The following VWC2 variants were observed in gnomAD, a reference collection of about 807,000 sequenced individuals.
VWC2 encodes the protein brorin.
VWC2 carries 14 observed loss-of-function variants against 29.8 expected under a neutral mutation model. That is an observed-to-expected ratio of 0.47 (90% CI 0.31 to 0.74). The LOEUF is 0.74. Ranked by LOEUF, VWC2 falls within the 30% of genes least tolerant of loss-of-function variation. VWC2 has a pLI of 0.05. For synonymous variants in VWC2, 213 were observed against 199.0 expected, an observed-to-expected ratio of 1.07 and a Z score of -0.59; for missense variants, 457 against 459.8, an observed-to-expected ratio of 0.99 and a Z score of 0.05.
At chr7:49,785,718 TA>T (rs1016549289) in intron 2 of VWC2, among the ~76,000 whole-genome samples, 2 of 152,180 alleles carry the variant, frequency 1.3e-5, no homozygotes, top group Non-Finnish European at 1.5e-5. Context: ...AGTAGGAGAA[TA>T]TTTTTAAATA....
At chr7:49,802,656 C>T in intron 2 of VWC2, 55 bp from the exon 3 acceptor site, 1 of 1,609,642 alleles carries the variant, frequency 6.2e-7, no homozygotes, top group Non-Finnish European at 8.5e-7. Flanking sequence ...ATATATGACC[C>T]TGTAGGATAA....
At chr7:49,800,723 T>C (rs1411160254) in intron 2 of VWC2, among the ~76,000 whole-genome samples, 1 of 151,950 alleles carries the variant, frequency 6.6e-6, no homozygotes, top group Non-Finnish European at 1.5e-5. Context: ...CTCATTCTGC[T>C]TGCTATGTAT....
chr7:49,840,306 C>T (rs1250707023), intron 3 of VWC2, among the ~76,000 whole-genome samples: 1 of 152,120 alleles, frequency 6.6e-6, no homozygotes, highest in African/African-American at 2.4e-5. Flanking sequence ...TGGAGGGGCA[C>T]GGAGTATAGG....
At chr7:49,844,437 G>T (rs1789871532) in intron 3 of VWC2, among the ~76,000 whole-genome samples, 1 of 152,154 alleles carries the variant, frequency 6.6e-6, no homozygotes, top group Admixed American at 6.5e-5. Context: ...AGATATGAAA[G>T]CTTCTAAAAT....
chr7:49,902,443 A>G lies in VWC2; in HGVS notation c.827-9591A>G, dbSNP rs552296135. Among the ~76,000 whole-genome samples the G allele has an allele frequency of 1.4e-3, 206 of 152,048 alleles. 1 individual carries two copies. Among genetic ancestry groups the G allele is most frequent in the Non-Finnish European group, 2.5e-3 (167 of 67,876 alleles). ...GAAACAGACCCACAACAGTACAGCA[A>G]ATTTATTTTTGACAAAGGTGCAAAG... On this transcript the variant is annotated intron_variant, in intron 3 of 3. Coordinates refer to ENST00000340652, the MANE Select transcript of VWC2 (RefSeq NM_198570.5).
At chr7:49,810,644 T>A (rs547123657) in intron 3 of VWC2, among the ~76,000 whole-genome samples, 108 of 152,142 alleles carry the variant, frequency 7.1e-4, no homozygotes, top group African/African-American at 2.6e-3. Flanking sequence ...ATCACAATAA[T>A]CAAGATACCA....
rs772002250 is a variant in VWC2 at position 49,912,143 on chromosome 7, G to A, written c.936G>A (p.Glu312=). The A allele has an allele frequency of 1.2e-6, 2 of 1,614,096 alleles. No homozygotes were observed. Among genetic ancestry groups the A allele is most frequent in the Non-Finnish European group, 1.7e-6 (2 of 1,180,012 alleles). The change falls in exon 4 of 4, where the codon GAG becomes GAA. Residue 312 remains glutamate (E), a synonymous_variant. Transcript: ENST00000340652. The part of the protein sequence containing the change: ...CTYEEGTWRI[E]RQAMCTRHEC... ...ATGAGGAAGGCACATGGAGAATCGA[G>A]CGGCAGGCCATGTGCACGAGACATG... is the stretch of plus-strand genomic sequence containing the variant.
intron 3 of VWC2, among the ~76,000 whole-genome samples, chr7:49,848,150 G>A (rs1790029450): frequency 6.6e-6 from 1 of 152,146 alleles, no homozygotes; most frequent in Admixed American, 6.5e-5. Context: ...TCTAACCAGT[G>A]GGGGCTGGGG....
In VWC2 at chr7:49,773,933, G is replaced by T. The variant is rs1787992456; in HGVS notation, c.-284G>T. 1 of 152,230 alleles carries T rather than the reference G, an allele frequency of 6.6e-6. No individual in the cohort carries two copies. Among genetic ancestry groups the T allele is most frequent in the Non-Finnish European group, 1.5e-5 (1 of 68,122 alleles). The allele number at this position is 152,230 out of a possible 1,614,324, so 9.4% of individuals were successfully genotyped here. ...ACAGCGCGATGAGCGACTCCCCAGA[G>T]ACGCCCTAGCCCGGTGTGCGCGCCA... On this transcript the variant is annotated 5_prime_UTR_variant, in exon 1 of 4. Coordinates refer to ENST00000340652, the MANE Select transcript of VWC2 (RefSeq NM_198570.5).
chr7:49,782,063 C>T (rs1437582744), intron 2 of VWC2, among the ~76,000 whole-genome samples: 2 of 152,168 alleles, frequency 1.3e-5, no homozygotes, highest in Admixed American at 6.5e-5. Context: ...GCATATAAAA[C>T]ATTTGTTTAC....
intron 2 of VWC2, among the ~76,000 whole-genome samples, chr7:49,779,954 C>A (rs1390101759): frequency 6.6e-6 from 1 of 152,214 alleles, no homozygotes; most frequent in East Asian, 1.9e-4. Context: ...AACTTAATTA[C>A]CTCGTTAAAG....
intron 3 of VWC2, among the ~76,000 whole-genome samples, chr7:49,821,095 T>G (rs1349788084): frequency 6.6e-6 from 1 of 152,242 alleles, no homozygotes; most frequent in African/African-American, 2.4e-5. Context: ...CTATGAACTT[T>G]TCCATTTTGC....
intron 3 of VWC2, 109 bp from the exon 4 acceptor site, chr7:49,911,925 A>ACG (rs1793470659): frequency 3.4e-6 from 2 of 590,040 alleles, no homozygotes; most frequent in Admixed American, 8.3e-5. Flanking sequence ...AAATACACGC[A>ACG]CACACACACA....
intron 2 of VWC2, among the ~76,000 whole-genome samples, chr7:49,802,392 C>A (rs1788760592): frequency 6.6e-6 from 1 of 152,118 alleles, no homozygotes; most frequent in Admixed American, 6.6e-5. Flanking sequence ...AATCCCAGCA[C>A]TTTGGGAGGC....
intron 2 of VWC2, among the ~76,000 whole-genome samples, chr7:49,802,076 T>G (rs1309955415): frequency 6.6e-6 from 1 of 152,236 alleles, no homozygotes; most frequent in Non-Finnish European, 1.5e-5. Flanking sequence ...AGCAAGTTTT[T>G]ATTTGTTTAA....
At chr7:49,836,696 C>T (rs1165016337) in intron 3 of VWC2, among the ~76,000 whole-genome samples, 3 of 151,576 alleles carry the variant, frequency 2.0e-5, no homozygotes, top group African/African-American at 4.8e-5. Context: ...AAAATCTATA[C>T]CTAGGTGTGC....
At chr7:49,881,797 T>C (rs1331546428) in intron 3 of VWC2, among the ~76,000 whole-genome samples, 2 of 152,086 alleles carry the variant, frequency 1.3e-5, no homozygotes, top group Non-Finnish European at 1.5e-5. Flanking sequence ...ACTTTGTATA[T>C]AATAATAATT....
At chr7:49,877,534 G>T (rs1791489727) in intron 3 of VWC2, among the ~76,000 whole-genome samples, 1 of 91,494 alleles carries the variant, frequency 1.1e-5, no homozygotes, top group Admixed American at 1.3e-4. Context: ...TTGGTCACTT[G>T]CTTACCTATT....
At chr7:49,774,507 G>A (rs953992349) in intron 1 of VWC2, among the ~76,000 whole-genome samples, 2 of 152,234 alleles carry the variant, frequency 1.3e-5, no homozygotes, top group East Asian at 3.9e-4. Flanking sequence ...GCGAGTAGGA[G>A]GGTCTCGCGC....
Sources: allele counts gnomAD v4.1 joint callset (sites outside exome capture counted in the v4.1 genomes callset), GRCh38; gene constraint gnomAD v4.1.1; transcripts MANE v1.5; gene names NCBI Gene and HGNC (gene_info 2026-07-23, HGNC 2026-07-21).